HRG: variants seen among roughly 807,000 people sequenced by gnomAD.
HRG encodes histidine-rich glycoprotein.
A neutral mutation model predicts 29.5 loss-of-function variants in HRG; 26 were observed. That is an observed-to-expected ratio of 0.88 (90% CI 0.65 to 1.22). HRG has a LOEUF of 1.22. Ranked by LOEUF, HRG falls within the 50% of genes most tolerant of loss-of-function variation. The pLI is 0.00. For synonymous variants in HRG, 243 were observed against 240.4 expected, an observed-to-expected ratio of 1.01 and a Z score of -0.10; for missense variants, 671 against 654.5, an observed-to-expected ratio of 1.03 and a Z score of -0.28.
At position 186,669,050 on chromosome 3, in the gene HRG, TAGTA is replaced by T. The variant is rs755394941; in HGVS notation, c.300+5_300+8del. ...CCTGATTCCAGACGTCCATCTGAAATAGTAAGTAAAGAGGGCACCTTCACTCTGC... is the reference window on the plus strand; with the variant it reads ...CCTGATTCCAGACGTCCATCTGAAATAGTAAAGAGGGCACCTTCACTCTGC... On this transcript the variant is annotated splice_donor_variant and splice_donor_region_variant and coding_sequence_variant and intron_variant, in exon 2 of 7. Coordinates refer to ENST00000232003, the MANE Select transcript of HRG (RefSeq NM_000412.5). LOFTEE classifies it high-confidence loss of function. 2 of 1,536,292 alleles carry T rather than the reference TAGTA, an allele frequency of 1.3e-6. No individual in the cohort carries two copies. Among genetic ancestry groups the T allele is most frequent in the Middle Eastern group, 1.7e-4 (1 of 5,932 alleles).
At chr3:186,674,241 T>A (rs1004535554) in intron 5 of HRG, 2 of 152,204 alleles carry the variant, frequency 1.3e-5, no homozygotes, top group African/African-American at 4.8e-5. Context: ...GATCTTGGTG[T>A]GGATAATGTA....
chr3:186,666,188 A>G lies in HRG; in HGVS notation c.157A>G (p.Ile53Val), dbSNP rs1718604117. The change falls in exon 1 of 7, where the codon ATT (isoleucine) becomes GTT (valine). Residue 53 changes from isoleucine (I) to valine (V), a missense_variant. Transcript: ENST00000232003. ...RDGYLFQLLR[I>V]ADAHLDRVEN... ...TGGCTACCTTTTCCAATTGCTGCGG[A>G]TTGCTGATGCCCACTTGGACAGAGT... is the stretch of plus-strand genomic sequence containing the variant. 1 of 1,613,860 alleles carries G rather than the reference A, an allele frequency of 6.2e-7. No homozygotes were observed. The highest frequency in any genetic ancestry group is 1.7e-5 in the Admixed American group (1 of 59,998).
At position 186,676,092 on chromosome 3, in the gene HRG, C is replaced by T. The variant is rs571258551; in HGVS notation, c.741+902C>T. Among the ~76,000 whole-genome samples, 66 of 152,154 alleles carry T rather than the reference C, an allele frequency of 4.3e-4. 1 individual carries two copies. In the South Asian group the frequency reaches 0.013, roughly 30 times the overall value. On this transcript the variant is annotated intron_variant, in intron 6 of 6. Coordinates refer to ENST00000232003, the MANE Select transcript of HRG (RefSeq NM_000412.5). Reference sequence around the variant, plus strand: ...CCATGTTGGTCAGGTTGGTCTCAAACTCCTGACCTTAGGTGATCCACCTGC... The same window carrying T: ...CCATGTTGGTCAGGTTGGTCTCAAATTCCTGACCTTAGGTGATCCACCTGC...
chr3:186,675,051 C>T (rs1242379651), intron 5 of HRG, 38 bp from the exon 6 acceptor site: 3 of 1,385,250 alleles, frequency 2.2e-6, no homozygotes, highest in Non-Finnish European at 3.1e-6. Flanking sequence ...TTCACACCAC[C>T]TGGACACACA....
chr3:186,669,911 A>T (rs112623561), intron 2 of HRG, 27 bp from the exon 3 acceptor site: 3 of 1,199,292 alleles, frequency 2.5e-6, no homozygotes, highest in African/African-American at 1.5e-5. Context: ...ATGACTCAGC[A>T]AGTCCTCAAG....
rs1719069417 is a variant in HRG at position 186,678,144 on chromosome 3, CCTT to C, written c.*265_*267del. 1 of 454,056 alleles carries C rather than the reference CCTT, an allele frequency of 2.2e-6. No homozygotes were observed. Among genetic ancestry groups the C allele is most frequent in the African/African-American group, 2.0e-5 (1 of 50,520 alleles). 28.1% of individuals were successfully genotyped at this position (454,056 alleles called of 1,614,324 possible). A position where few individuals can be genotyped will look rare whatever the true frequency, so the allele number is the denominator to read the frequency against. On this transcript the variant is annotated 3_prime_UTR_variant, in exon 7 of 7. Transcript: ENST00000232003. Reference sequence around the variant, plus strand: ...GACAAATCTATGCCACTCAGAATCTCCTTCTTTCCTGGACTTAACTCTAATTCT... The same window carrying C: ...GACAAATCTATGCCACTCAGAATCTCCTTTCCTGGACTTAACTCTAATTCT...
At chr3:186,675,300 T>TGAGAGAGAGAGAGAGAGAGAGAGA (rs1367965463) in intron 6 of HRG, 110 bp downstream of exon 6, 10 of 582,154 alleles carry the variant, frequency 1.7e-5, no homozygotes, top group African/African-American at 1.4e-4. Context: ...TGTGTGTGTG[T>TGAGAGAGAGAGAGAGAGAGAGAGA]GTGTGTGTGA....
chr3:186,673,129 G>T lies in HRG; in HGVS notation c.639+262G>T, dbSNP rs138559947. Reference sequence around the variant, plus strand: ...TGTTTTGTTTTGTTTTTGAGATGGAGTTTCGCTCTTGTTGCCCAGGTTGGA... The same window carrying T: ...TGTTTTGTTTTGTTTTTGAGATGGATTTTCGCTCTTGTTGCCCAGGTTGGA... On this transcript the variant is annotated intron_variant, in intron 5 of 6. Transcript: ENST00000232003. 1,881 of 520,958 alleles carry T rather than the reference G, an allele frequency of 3.6e-3. 30 individuals carry two copies. Among genetic ancestry groups the T allele is most frequent in the African/African-American group, 0.031 (1,624 of 52,010 alleles). 32.3% of individuals were successfully genotyped at this position (520,958 alleles called of 1,614,324 possible).
chr3:186,677,376 T>A lies in HRG; in HGVS notation c.1071T>A (p.His357Gln). Residue 357 changes from histidine (H) to glutamine (Q), a missense_variant, in exon 7 of 7, where the codon CAT (histidine) becomes CAA (glutamine). Coordinates refer to ENST00000232003, the MANE Select transcript of HRG (RefSeq NM_000412.5). ...TCCATCCCCATAAGCATCATTCCCATGAACAGCATCCCCACGGACACCATC... is the reference window on the plus strand; with the variant it reads ...TCCATCCCCATAAGCATCATTCCCAAGAACAGCATCCCCACGGACACCATC... ...SDLHPHKHHS[H>Q]EQHPHGHHPH... 6.2e-7 allele frequency: 1 copy of A among 1,613,670 alleles called. No homozygotes were observed. The highest frequency in any genetic ancestry group is 8.5e-7 in the Non-Finnish European group (1 of 1,179,872).
chr3:186,673,148 G>C (rs1718859541), intron 5 of HRG: 1 of 488,378 alleles, frequency 2.0e-6, no homozygotes, highest in African/African-American at 2.0e-5. Flanking sequence ...TTGTTGCCCA[G>C]GTTGGAGTGC....
chr3:186,677,652 C>T lies in HRG; in HGVS notation c.1347C>T (p.Pro449=). 1 of 1,614,122 alleles carries T rather than the reference C, an allele frequency of 6.2e-7. No homozygotes were observed. The highest frequency in any genetic ancestry group is 8.5e-7 in the Non-Finnish European group (1 of 1,179,998). Residue 449 remains proline, a synonymous_variant, in exon 7 of 7, where the codon CCC becomes CCT. Coordinates refer to ENST00000232003, the MANE Select transcript of HRG (RefSeq NM_000412.5). ...RRRGPGKGPR[P]FHCRQIGSVY... ...GAGGCCCAGGTAAAGGACCCCGTCCCTTCCATTGCAGACAAATTGGATCTG... is the reference window on the plus strand; with the variant it reads ...GAGGCCCAGGTAAAGGACCCCGTCCTTTCCATTGCAGACAAATTGGATCTG...
chr3:186,677,359 C>G lies in HRG; in HGVS notation c.1054C>G (p.His352Asp), dbSNP rs939278988. The G allele has an allele frequency of 6.2e-7, 1 of 1,613,950 alleles. No homozygotes were observed. Among genetic ancestry groups the G allele is most frequent in the Non-Finnish European group, 8.5e-7 (1 of 1,179,954 alleles). ...HNNNSSDLHP[H>D]KHHSHEQHPH... ...TAATAATTCCAGTGACCTCCATCCC[C>G]ATAAGCATCATTCCCATGAACAGCA... Residue 352 changes from histidine to aspartate, a missense_variant, in exon 7 of 7, where the codon CAT becomes GAT. Physicochemically the swap from His to Asp is moderately conservative, Grantham distance 81. Coordinates refer to ENST00000232003, the MANE Select transcript of HRG (RefSeq NM_000412.5).
intron 5 of HRG, chr3:186,674,549 G>A (rs1489665941): frequency 4.8e-6 from 1 of 209,220 alleles, no homozygotes; most frequent in Non-Finnish European, 9.7e-6. Flanking sequence ...TCACAGGTGG[G>A]TTTAGGAGCA....
chr3:186,670,483 A>G (rs1318288818), intron 3 of HRG, among the ~76,000 whole-genome samples: 2 of 152,208 alleles, frequency 1.3e-5, no homozygotes, highest in Non-Finnish European at 2.9e-5. Context: ...GAACAAAGCC[A>G]AGATATTGTG....
intron 6 of HRG, among the ~76,000 whole-genome samples, 200 bp from the exon 7 acceptor site, chr3:186,676,847 A>G (rs1335560458): frequency 6.6e-6 from 1 of 152,148 alleles, no homozygotes; most frequent in Non-Finnish European, 1.5e-5. Context: ...TGAAACAATG[A>G]TGGTGGTAAA....
rs551316086 is a variant in HRG at position 186,678,135 on chromosome 3, T to C, written c.*252T>C. 5.5e-4 allele frequency: 260 copies of C among 472,306 alleles called. 2 individuals are homozygous for C. The Middle Eastern group carries it at 0.011, about 19-fold the overall frequency. 29.3% of individuals were successfully genotyped at this position (472,306 alleles called of 1,614,324 possible). A position where few individuals can be genotyped will look rare whatever the true frequency, so the allele number is the denominator to read the frequency against. On this transcript the variant is annotated 3_prime_UTR_variant, in exon 7 of 7. Transcript: ENST00000232003. ...ATCACTTGAGACAAATCTATGCCACTCAGAATCTCCTTCTTTCCTGGACTT... is the reference window on the plus strand; with the variant it reads ...ATCACTTGAGACAAATCTATGCCACCCAGAATCTCCTTCTTTCCTGGACTT...
chr3:186,674,859 C>A (rs1718916181), intron 5 of HRG: 1 of 504,704 alleles, frequency 2.0e-6, no homozygotes. Flanking sequence ...AGTGCTGGTG[C>A]CTGCTCATGA....
intron 5 of HRG, chr3:186,674,657 C>A: frequency 3.2e-6 from 1 of 314,696 alleles, no homozygotes; most frequent in East Asian, 8.1e-5. Context: ...CATCTTTATG[C>A]TATACAGATG....
intron 3 of HRG, 80 bp from the exon 4 acceptor site, chr3:186,671,543 A>T: frequency 7.0e-7 from 1 of 1,431,078 alleles, no homozygotes; most frequent in South Asian, 1.2e-5. Flanking sequence ...CTTAAAATGA[A>T]AGTTATTGTC....
Sources: gnomAD v4.1 joint callset for allele counts (sites outside exome capture counted in the v4.1 genomes callset) on GRCh38, gnomAD v4.1.1 for gene constraint, MANE v1.5 for transcripts, NCBI Gene and HGNC (gene_info 2026-07-23, HGNC 2026-07-21) for gene names.